Variants in NSMCE1 observed in about 807,000 individuals in gnomAD.
NSMCE1 encodes NSE1 component of SMC5/6 complex.
In NSMCE1, 18 loss-of-function variants were observed where a neutral mutation model predicts 29.6. The ratio of observed to expected loss-of-function variants is 0.61; its 90% CI spans 0.42 to 0.90. NSMCE1 has a LOEUF of 0.90. NSMCE1 is among the 40% of genes least tolerant of loss of function. The pLI, the probability that NSMCE1 is intolerant of heterozygous loss-of-function variation, is 0.00. For missense variants in NSMCE1, 314 were observed against 343.6 expected, an observed-to-expected ratio of 0.91 and a Z score of 0.68; for synonymous variants, 124 against 133.4, an observed-to-expected ratio of 0.93 and a Z score of 0.49.
intron 1 of NSMCE1, among the ~76,000 whole-genome samples, chr16:27,263,572 G>T (rs577532397): frequency 3.0e-4 from 46 of 152,272 alleles, no homozygotes; most frequent in African/African-American, 1.1e-3. Context: ...AGGAAGAAGA[G>T]CAGAAAATAT....
intron 4 of NSMCE1, among the ~76,000 whole-genome samples, chr16:27,233,590 T>G (rs566803965): frequency 2.8e-4 from 42 of 152,320 alleles, no homozygotes; most frequent in African/African-American, 9.4e-4. Context: ...TCTCAGAGAT[T>G]TGGATTCAAC....
Position 27,232,584 on chromosome 16 carries a change from C to T in NSMCE1, c.483+417G>A, listed in dbSNP as rs1412580487. Reference sequence around the variant, plus strand: ...GTCCCATTCCCGCTCCTGACACACCCAGCCCCGAAGGGGAAACAACGACTC... The same window carrying T: ...GTCCCATTCCCGCTCCTGACACACCTAGCCCCGAAGGGGAAACAACGACTC... On this transcript the variant is annotated intron_variant, in intron 5 of 7. Coordinates refer to ENST00000361439, the MANE Select transcript of NSMCE1 (RefSeq NM_145080.4). The surrounding 1 kb of genome is among the most constrained non-coding windows in gnomAD (Gnocchi z 4.5). Among the ~76,000 whole-genome samples the T allele has an allele frequency of 6.6e-6, 1 of 152,286 alleles. No individual in the cohort carries two copies. The highest frequency in any genetic ancestry group is 1.5e-5 in the Non-Finnish European group (1 of 68,054).
At position 27,226,700 on chromosome 16, in the gene NSMCE1, G is replaced by A. The variant is rs182883576; in HGVS notation, c.600+20C>T. The A allele has an allele frequency of 2.8e-5, 43 of 1,530,662 alleles. No homozygotes were observed. Among genetic ancestry groups the A allele is most frequent in the Middle Eastern group, 1.7e-4 (1 of 5,900 alleles). 94.8% of individuals were successfully genotyped at this position (1,530,662 alleles called of 1,614,324 possible). A position where few individuals can be genotyped will look rare whatever the true frequency, so the allele number is the denominator to read the frequency against. On this transcript the variant is annotated intron_variant, in intron 6 of 7. Coordinates refer to ENST00000361439, the MANE Select transcript of NSMCE1 (RefSeq NM_145080.4). ...GCCGAGGGCCCAGTGATGAGCTCCCGTGCCCTGCCCTGCGGGTACCTGGAT... is the reference window on the plus strand; with the variant it reads ...GCCGAGGGCCCAGTGATGAGCTCCCATGCCCTGCCCTGCGGGTACCTGGAT...
intron 2 of NSMCE1, among the ~76,000 whole-genome samples, chr16:27,235,571 T>C (rs1022466151): frequency 6.6e-6 from 1 of 152,196 alleles, no homozygotes; most frequent in African/African-American, 2.4e-5. Flanking sequence ...GCGGGCTTCC[T>C]GTCTTTGCTC....
At chr16:27,262,680 C>T (rs141514041) in intron 1 of NSMCE1, among the ~76,000 whole-genome samples, 3 of 152,096 alleles carry the variant, frequency 2.0e-5, no homozygotes, top group Non-Finnish European at 2.9e-5. Flanking sequence ...GACACAGGAA[C>T]GGGCAAAGAT....
intron 2 of NSMCE1, among the ~76,000 whole-genome samples, chr16:27,256,996 T>C (rs898427682): frequency 3.3e-5 from 5 of 152,210 alleles, no homozygotes; most frequent in African/African-American, 1.2e-4. Flanking sequence ...GATAACAGCG[T>C]GAGCCACCGC....
At chr16:27,253,096 G>A (rs2141006094) in intron 2 of NSMCE1, among the ~76,000 whole-genome samples, 1 of 152,216 alleles carries the variant, frequency 6.6e-6, no homozygotes, top group South Asian at 2.1e-4. Context: ...GGCTGTTCCT[G>A]AGTTGTAGCC....
chr16:27,235,392 A>G (rs1249496049), intron 2 of NSMCE1, 93 bp from the exon 3 acceptor site: 33 of 1,423,214 alleles, frequency 2.3e-5, no homozygotes, highest in Non-Finnish European at 3.0e-5. Context: ...ATCTCAACGC[A>G]GGGGACAGCA....
At chr16:27,245,264 T>C (rs2083943406) in intron 2 of NSMCE1, among the ~76,000 whole-genome samples, 1 of 152,252 alleles carries the variant, frequency 6.6e-6, no homozygotes, top group Admixed American at 6.5e-5. Context: ...CCCCAGACCC[T>C]GGAAGAAACA....
rs1315217544 is a variant in NSMCE1 at position 27,242,105 on chromosome 16, G to A, written c.137-6806C>T. The stretch of plus-strand genomic sequence containing the variant: ...GCGTTCATCATCGGAACTGAGTGAT[G>A]GCACACAGGGCTTCACTGTATCAGT... On this transcript the variant is annotated intron_variant, in intron 2 of 7. Coordinates refer to ENST00000361439, the MANE Select transcript of NSMCE1 (RefSeq NM_145080.4). Among the ~76,000 whole-genome samples, 4 of 152,294 alleles carry A rather than the reference G, an allele frequency of 2.6e-5. No individual in the cohort carries two copies. In the South Asian group the frequency reaches 8.3e-4, roughly 32 times the overall value.
chr16:27,235,346 T>A, intron 2 of NSMCE1, 47 bp from the exon 3 acceptor site: 1 of 1,598,188 alleles, frequency 6.3e-7, no homozygotes, highest in Non-Finnish European at 8.5e-7. Context: ...GGGGGCCTCA[T>A]CAAAAAAATG....
At chr16:27,233,587 G>C (rs1054476986) in intron 4 of NSMCE1, among the ~76,000 whole-genome samples, 9 of 152,242 alleles carry the variant, frequency 5.9e-5, no homozygotes, top group African/African-American at 1.9e-4. Context: ...GGTTCTCAGA[G>C]ATTTGGATTC....
At chr16:27,229,350 G>A (rs1012863595) in intron 5 of NSMCE1, among the ~76,000 whole-genome samples, 1 of 152,188 alleles carries the variant, frequency 6.6e-6, no homozygotes, top group Admixed American at 6.5e-5. Flanking sequence ...TGAGATGACC[G>A]TCTCACTGAT....
chr16:27,250,015 A>G (rs2084006186), intron 2 of NSMCE1, among the ~76,000 whole-genome samples: 1 of 152,164 alleles, frequency 6.6e-6, no homozygotes, highest in Non-Finnish European at 1.5e-5. Flanking sequence ...TCTTATTTTT[A>G]ATGTTATTAT....
chr16:27,235,307 TAA>T lies in NSMCE1; in HGVS notation c.137-10_137-9del. ...TATCTACGGTGGCATTGCCTGGAAATAAACAGACCAAAAAAAGGGGGGTGACC... is the reference window on the plus strand; with the variant it reads ...TATCTACGGTGGCATTGCCTGGAAATACAGACCAAAAAAAGGGGGGTGACC... On this transcript the variant is annotated splice_polypyrimidine_tract_variant and intron_variant, in intron 2 of 7. Coordinates refer to ENST00000361439, the MANE Select transcript of NSMCE1 (RefSeq NM_145080.4). 6.2e-7 allele frequency: 1 copy of T among 1,611,444 alleles called. No homozygotes were observed. Among genetic ancestry groups the T allele is most frequent in the Non-Finnish European group, 8.5e-7 (1 of 1,179,548 alleles).
intron 2 of NSMCE1, among the ~76,000 whole-genome samples, chr16:27,251,072 C>T (rs1210680560): frequency 6.8e-6 from 1 of 147,484 alleles, no homozygotes; most frequent in East Asian, 2.0e-4. Context: ...AACTCCCGAC[C>T]TCAGGTGATC....
In NSMCE1 at chr16:27,232,979, T is replaced by G. The variant is rs369567534; in HGVS notation, c.483+22A>C. 8.1e-6 allele frequency: 13 copies of G among 1,605,632 alleles called. No individual in the cohort carries two copies. The highest frequency in any genetic ancestry group is 8.1e-5 in the African/African-American group (6 of 74,466). On this transcript the variant is annotated intron_variant, in intron 5 of 7. Coordinates refer to ENST00000361439, the MANE Select transcript of NSMCE1 (RefSeq NM_145080.4). The surrounding 1 kb of genome is among the most constrained non-coding windows in gnomAD (Gnocchi z 4.5). ...ATTCACTTGAAAAAGTGAACCAGGC[T>G]GGAAAAACCATGAGACAGTACCTCA...
chr16:27,236,046 A>C (rs1596676536), intron 2 of NSMCE1, among the ~76,000 whole-genome samples: 1 of 151,954 alleles, frequency 6.6e-6, no homozygotes, highest in Non-Finnish European at 1.5e-5. Context: ...TCTGTCGCCC[A>C]CCTCCCCTGG....
rs965764911 is a variant in NSMCE1 at position 27,235,274 on chromosome 16, C to A, written c.162G>T (p.Glu54Asp). The A allele has an allele frequency of 6.2e-7, 1 of 1,613,750 alleles. No individual in the cohort carries two copies. The highest frequency in any genetic ancestry group is 1.3e-5 in the African/African-American group (1 of 74,992). The change falls in exon 3 of 8, where the codon GAG becomes GAT. Residue 54 changes from glutamate to aspartate, a missense_variant. Physicochemically the swap from Glu to Asp is conservative, Grantham distance 45. Coordinates refer to ENST00000361439, the MANE Select transcript of NSMCE1 (RefSeq NM_145080.4). ...CACTGTTAATGTTGTTGATGAAGTC[C>A]TCCAACTTATCTACGGTGGCATTGC... ...HDRNATVDKLEDFINNINSVL... is the reference protein window; with the variant it reads ...HDRNATVDKLDDFINNINSVL...
Sources: gnomAD v4.1 joint callset for allele counts (sites outside exome capture counted in the v4.1 genomes callset) on GRCh38, gnomAD v4.1.1 for gene constraint, Gnocchi (gnomAD v3.1) non-coding constraint, MANE v1.5 for transcripts, NCBI Gene and HGNC (gene_info 2026-07-23, HGNC 2026-07-21) for gene names.